KHDRBS2: variants seen among roughly 807,000 people sequenced by gnomAD.
The protein encoded by KHDRBS2 is KH domain-containing, RNA-binding, signal transduction-associated protein 2.
In KHDRBS2, 26 loss-of-function variants were observed where a neutral mutation model predicts 44.3. That is an observed-to-expected ratio of 0.59 (90% confidence interval 0.43 to 0.81). The LOEUF (loss-of-function observed/expected upper bound fraction) is 0.81, where lower values mean the gene tolerates loss of function less well. Ranked by LOEUF, KHDRBS2 falls within the 40% of genes least tolerant of loss-of-function variation. The probability of loss-of-function intolerance (pLI) is 0.00; values close to 1 mark genes in which losing one functional copy is unlikely to be tolerated. For missense variants in KHDRBS2, 476 were observed against 433.1 expected (o/e 1.10, Z -0.88); for synonymous variants, 194 against 151.1 (o/e 1.28, Z -2.08).
At chr6:61,975,783 T>C (rs1330433872) in intron 4 of KHDRBS2, among the ~76,000 whole-genome samples, 1 of 152,010 alleles carries the variant, frequency 6.6e-6, no homozygotes, top group African/African-American at 2.4e-5. Context: ...AATAGAGTGG[T>C]TAGTGATACT....
chr6:62,098,244 G>GTTTT (rs35184806), intron 2 of KHDRBS2, among the ~76,000 whole-genome samples: 2 of 127,844 alleles, frequency 1.6e-5, no homozygotes, highest in East Asian at 2.3e-4. Context: ...AGCTTCAAAC[G>GTTTT]TTTTTTTTTT....
Position 61,697,178 on chromosome 6 carries a change from TA to T in KHDRBS2, c.952+16del. ...GGATGTTCCGATTTCACAGTTTTAG[TA>T]AAGAAAAGGTCTTACCGTAGCTGTC... On this transcript the variant is annotated intron_variant, in intron 8 of 8. Coordinates refer to ENST00000281156, the MANE Select transcript of KHDRBS2 (RefSeq NM_152688.4). The T allele has an allele frequency of 6.5e-7, 1 of 1,543,724 alleles. No individual in the cohort carries two copies. The highest frequency in any genetic ancestry group is 9.0e-7 in the Non-Finnish European group (1 of 1,116,208).
At chr6:62,218,586 T>A (rs1353521201) in intron 1 of KHDRBS2, among the ~76,000 whole-genome samples, 1 of 151,868 alleles carries the variant, frequency 6.6e-6, no homozygotes, top group Non-Finnish European at 1.5e-5. Context: ...TAAAGAGGTA[T>A]GTTATAAATT....
chr6:61,589,035 G>T, the KHDRBS2 span, among the ~76,000 whole-genome samples: 1 of 151,948 alleles, frequency 6.6e-6, no homozygotes, highest in Non-Finnish European at 1.5e-5. Context: ...TGGACACAAG[G>T]AGGGTAACAT....
intron 1 of KHDRBS2, among the ~76,000 whole-genome samples, chr6:62,273,646 C>A (rs560477191): frequency 6.6e-6 from 1 of 152,012 alleles, no homozygotes; most frequent in African/African-American, 2.4e-5. Context: ...TCAGGGTGAT[C>A]TCTTCTACTC....
chr6:61,687,642 T>A (rs1766964659), intron 8 of KHDRBS2, among the ~76,000 whole-genome samples: 1 of 151,850 alleles, frequency 6.6e-6, no homozygotes, highest in Admixed American at 6.6e-5. Flanking sequence ...CTTTTCTGTA[T>A]TTTTATATTA....
At chr6:62,006,162 A>G (rs1779167910) in intron 3 of KHDRBS2, among the ~76,000 whole-genome samples, 1 of 152,016 alleles carries the variant, frequency 6.6e-6, no homozygotes, top group South Asian at 2.1e-4. Flanking sequence ...ATACAGTAAT[A>G]CAACTGTAAA....
At chr6:61,563,696 G>A in the KHDRBS2 span, among the ~76,000 whole-genome samples, 1 of 152,032 alleles carries the variant, frequency 6.6e-6, no homozygotes, top group Admixed American at 6.6e-5. Flanking sequence ...TATCAGTCCT[G>A]TAGTTGCACT....
intron 2 of KHDRBS2, among the ~76,000 whole-genome samples, chr6:62,169,979 T>C (rs1208400006): frequency 6.6e-6 from 1 of 151,520 alleles, no homozygotes; most frequent in Admixed American, 6.6e-5. Context: ...GGTACAGCCT[T>C]CTTACAGTCT....
intron 1 of KHDRBS2, among the ~76,000 whole-genome samples, chr6:62,277,032 T>C (rs888312490): frequency 3.9e-5 from 6 of 152,188 alleles, no homozygotes; most frequent in Non-Finnish European, 8.8e-5. Context: ...GTACAGTGTC[T>C]GGCAAAGAGT....
At chr6:62,203,827 G>A (rs996185060) in intron 1 of KHDRBS2, among the ~76,000 whole-genome samples, 11 of 152,084 alleles carry the variant, frequency 7.2e-5, no homozygotes, top group African/African-American at 2.7e-4. Context: ...TTGTCCTCCC[G>A]AACATTATGT....
rs553851202 is a variant in KHDRBS2, at chr6:61,833,476, T to G, written c.810+61159A>C. Among the ~76,000 whole-genome samples, 58 of 152,298 alleles carry G rather than the reference T, an allele frequency of 3.8e-4. No homozygotes were observed. The South Asian group carries it at 5.4e-3, about 14-fold the overall frequency. On this transcript the variant is annotated intron_variant, in intron 6 of 8. Transcript: ENST00000281156. ...TCCTATATAATACCATATGTTCAGC[T>G]TCTATCATATATTCCCAGTTCAAAA...
intron 1 of KHDRBS2, among the ~76,000 whole-genome samples, chr6:62,269,773 A>G (rs1274708962): frequency 6.6e-6 from 1 of 152,158 alleles, no homozygotes; most frequent in Non-Finnish European, 1.5e-5. Flanking sequence ...AAAATCCTGT[A>G]CATGAACTTT....
intron 6 of KHDRBS2, among the ~76,000 whole-genome samples, chr6:61,869,947 G>A (rs552726008): frequency 3.4e-5 from 5 of 146,334 alleles, no homozygotes; most frequent in South Asian, 2.1e-4. Flanking sequence ...GGTAGACACC[G>A]AACTAGCTGC....
chr6:61,706,047 A>C (rs1769490385), intron 7 of KHDRBS2, among the ~76,000 whole-genome samples: 1 of 151,800 alleles, frequency 6.6e-6, no homozygotes, highest in African/African-American at 2.4e-5. Flanking sequence ...ATATTGGCCA[A>C]ATGAATAAAC....
intron 2 of KHDRBS2, among the ~76,000 whole-genome samples, chr6:62,054,293 T>G (rs1317833267): frequency 2.0e-5 from 3 of 152,100 alleles, no homozygotes; most frequent in African/African-American, 7.2e-5. Context: ...CCTGTGTTAA[T>G]TATGACAGTA....
At chr6:61,580,774 A>G in the KHDRBS2 span, among the ~76,000 whole-genome samples, 1 of 152,058 alleles carries the variant, frequency 6.6e-6, no homozygotes, top group Non-Finnish European at 1.5e-5. Context: ...CCAGGGACCG[A>G]CCGGTCCGGA....
In KHDRBS2 at chr6:61,906,554, C is replaced by A. The variant is rs74518135; in HGVS notation, c.484-5183G>T. Reference sequence around the variant, plus strand: ...TCCCAACTTCCCCCCCTCCTTCCCACTATTCTTCCTGGTCTCTGGTAACCA... The same window carrying A: ...TCCCAACTTCCCCCCCTCCTTCCCAATATTCTTCCTGGTCTCTGGTAACCA... On this transcript the variant is annotated intron_variant, in intron 4 of 8. Transcript: ENST00000281156. 2.4e-3 allele frequency among the ~76,000 whole-genome samples: 371 copies of A among 152,172 alleles called. 6 individuals are homozygous for A. The highest frequency in any genetic ancestry group is 0.019 in the East Asian group (96 of 5,172).
At chr6:62,094,727 G>C (rs1228876589) in intron 2 of KHDRBS2, among the ~76,000 whole-genome samples, 2 of 151,792 alleles carry the variant, frequency 1.3e-5, no homozygotes, top group African/African-American at 4.8e-5. Context: ...ATTCAGAGTT[G>C]ATTTTTGTAT....
Sources: gnomAD v4.1 joint callset for allele counts (sites outside exome capture counted in the v4.1 genomes callset) on GRCh38, gnomAD v4.1.1 for gene constraint, MANE v1.5 for transcripts, NCBI Gene and HGNC (gene_info 2026-07-23, HGNC 2026-07-21) for gene names.